The following FNDC1 variants were observed in gnomAD, a reference collection of about 807,000 sequenced individuals.
The protein encoded by FNDC1 is fibronectin type III domain-containing protein 1.
Under a neutral mutation model 168.0 loss-of-function variants are expected in FNDC1, and 96 were observed. The ratio of observed to expected loss-of-function variants is 0.57; its 90% CI spans 0.48 to 0.68. FNDC1 has a LOEUF of 0.68. Among genes scored for constraint, FNDC1 ranks in the 30% least tolerant of loss-of-function variants. The pLI is 0.00. For synonymous variants in FNDC1, 1,099 were observed against 1,025.9 expected, an observed-to-expected ratio of 1.07 and a Z score of -1.36; for missense variants, 2,587 against 2,482.1, an observed-to-expected ratio of 1.04 and a Z score of -0.90.
At chr6:159,182,078 C>T (rs754287469) in intron 1 of FNDC1, among the ~76,000 whole-genome samples, 7 of 152,198 alleles carry the variant, frequency 4.6e-5, no homozygotes, top group Non-Finnish European at 8.8e-5. Flanking sequence ...GATATTCAAA[C>T]AAACCACACC....
In FNDC1 at chr6:159,238,677, T is replaced by C; in HGVS notation, c.4180+12T>C. The C allele has an allele frequency of 6.5e-7, 1 of 1,546,924 alleles. No homozygotes were observed. Among genetic ancestry groups the C allele is most frequent in the Non-Finnish European group, 8.8e-7 (1 of 1,133,624 alleles). On this transcript the variant is annotated intron_variant, in intron 13 of 22. Coordinates refer to ENST00000297267, the MANE Select transcript of FNDC1 (RefSeq NM_032532.3). ...TCGAACCATTGTAGGTAAGGGAGAA[T>C]GGTTTTTAAAGAATAAAAGCCTACT... is the stretch of plus-strand genomic sequence containing the variant.
intron 20 of FNDC1, among the ~76,000 whole-genome samples, chr6:159,265,234 A>G (rs973435595): frequency 1.2e-4 from 18 of 152,222 alleles, no homozygotes; most frequent in African/African-American, 4.1e-4. Context: ...AAAAAACACT[A>G]TGGAGTAGCC....
At chr6:159,246,104 CA>C (rs1783533012) in intron 14 of FNDC1, among the ~76,000 whole-genome samples, 1 of 152,090 alleles carries the variant, frequency 6.6e-6, no homozygotes, top group South Asian at 2.1e-4. Context: ...CTGGCTTTTC[CA>C]AAAATCACAT....
intron 4 of FNDC1, among the ~76,000 whole-genome samples, chr6:159,201,866 A>G (rs1782387267): frequency 6.6e-6 from 1 of 152,174 alleles, no homozygotes; most frequent in South Asian, 2.1e-4. Context: ...TTCCTGATAC[A>G]GTTTTTTGAA....
chr6:159,170,461 C>T (rs1781630058), intron 1 of FNDC1, among the ~76,000 whole-genome samples: 1 of 152,212 alleles, frequency 6.6e-6, no homozygotes, highest in African/African-American at 2.4e-5. Flanking sequence ...TTCTTGCAAG[C>T]TTCCTGCAGA....
chr6:159,222,441 C>T (rs990088134), intron 6 of FNDC1, among the ~76,000 whole-genome samples: 5 of 152,178 alleles, frequency 3.3e-5, no homozygotes, highest in African/African-American at 1.2e-4. Context: ...ATATTTTCAC[C>T]TTCCCCTGCT....
At chr6:159,199,428 T>C (rs1254398064) in intron 2 of FNDC1, among the ~76,000 whole-genome samples, 7 of 152,240 alleles carry the variant, frequency 4.6e-5, no homozygotes, top group African/African-American at 1.4e-4. Context: ...TAGCTTTTTG[T>C]TGGAATGGTC....
intron 1 of FNDC1, among the ~76,000 whole-genome samples, chr6:159,178,694 G>C (rs570339975): frequency 1.3e-5 from 2 of 151,312 alleles, no homozygotes; most frequent in East Asian, 3.9e-4. Flanking sequence ...ATTTTTAAAA[G>C]TGTTTTGCCC....
In FNDC1 at chr6:159,266,225, A is replaced by G; in HGVS notation, c.5426A>G (p.Tyr1809Cys). ...VLCNSLRYKI[Y>C]LSDNLKDTFY... ...TGTAATTCACTGAGGTATAAAATCT[A>G]CCTCAGTGACAACCTGAAAGGTAAG... Residue 1809 changes from tyrosine (Y) to cysteine (C), a missense_variant, in exon 21 of 23, where the codon TAC (tyrosine) becomes TGC (cysteine). By Grantham distance (194) the Tyr-to-Cys change is radical (BLOSUM62 -2). Transcript: ENST00000297267. 2 of 1,613,838 alleles carry G rather than the reference A, an allele frequency of 1.2e-6. No homozygotes were observed. The highest frequency in any genetic ancestry group is 1.7e-6 in the Non-Finnish European group (2 of 1,179,826).
chr6:159,171,599 G>A (rs1010431243), intron 1 of FNDC1, among the ~76,000 whole-genome samples: 2 of 152,262 alleles, frequency 1.3e-5, no homozygotes, highest in South Asian at 2.1e-4. Flanking sequence ...CTTAAAGCAG[G>A]ACACACTGAA....
intron 17 of FNDC1, 119 bp from the exon 18 acceptor site, chr6:159,256,404 G>C: frequency 1.4e-6 from 1 of 731,774 alleles, no homozygotes; most frequent in Non-Finnish European, 2.4e-6. Flanking sequence ...CCTCCTTCCT[G>C]TAGTTCCCAC....
intron 4 of FNDC1, among the ~76,000 whole-genome samples, chr6:159,213,268 T>C (rs1368417369): frequency 8.5e-5 from 13 of 152,142 alleles, no homozygotes; most frequent in Admixed American, 8.5e-4. Flanking sequence ...GAACCTGGCA[T>C]GGTGCAGGAC....
intron 5 of FNDC1, among the ~76,000 whole-genome samples, chr6:159,216,947 G>A (rs1372553690): frequency 6.6e-6 from 1 of 152,164 alleles, no homozygotes; most frequent in Non-Finnish European, 1.5e-5. Flanking sequence ...TATCTGGAGG[G>A]GCCTCTTCCC....
In FNDC1 at chr6:159,266,729, G is replaced by A. The variant is rs1439355802; in HGVS notation, c.5446+484G>A. Reference sequence around the variant, plus strand: ...TAATACAATAATAATGAGTACGAGCGTGAGCTGGAATAATTGAGGAAAAGT... The same window carrying A: ...TAATACAATAATAATGAGTACGAGCATGAGCTGGAATAATTGAGGAAAAGT... On this transcript the variant is annotated intron_variant, in intron 21 of 22. Coordinates refer to ENST00000297267, the MANE Select transcript of FNDC1 (RefSeq NM_032532.3). Among the ~76,000 whole-genome samples, 7 of 146,680 alleles carry A rather than the reference G, an allele frequency of 4.8e-5. No individual in the cohort carries two copies. In the South Asian group the frequency reaches 6.5e-4, roughly 14 times the overall value.
At chr6:159,188,775 T>A (rs1050221256) in intron 1 of FNDC1, among the ~76,000 whole-genome samples, 8 of 145,262 alleles carry the variant, frequency 5.5e-5, no homozygotes, top group African/African-American at 2.1e-4. Context: ...TAAGATGGAG[T>A]CTCACTCTGT....
rs568662089 is a variant in FNDC1 at position 159,169,681 on chromosome 6, G to T, written c.85G>T (p.Val29Phe). 167 of 1,161,340 alleles carry T rather than the reference G, an allele frequency of 1.4e-4. 2 individuals carry two copies. The African/African-American group carries it at 2.5e-3, about 17-fold the overall frequency. 71.9% of individuals were successfully genotyped at this position (1,161,340 alleles called of 1,614,324 possible). The part of the protein sequence containing the change: ...ALLLLAALLP[V>F]ASSAAASVDH... ...GCTGCTCTTGGCCGCGCTGCTCCCC[G>T]TCGCCTCCTCGGCGGCGGCCTCAGG... is the stretch of plus-strand genomic sequence containing the variant. The change falls in exon 1 of 23, where the codon GTC (valine) becomes TTC (phenylalanine). Residue 29 changes from valine (V) to phenylalanine (F), a missense_variant. Coordinates refer to ENST00000297267, the MANE Select transcript of FNDC1 (RefSeq NM_032532.3). This position sits in a 1 kb window ranked among gnomAD's most constrained non-coding sequence, Gnocchi z 6.8.
In FNDC1 at chr6:159,232,279, A is replaced by G. The variant is rs915799595; in HGVS notation, c.1767A>G (p.Pro589=). 3 of 1,610,912 alleles carry G rather than the reference A, an allele frequency of 1.9e-6. No individual in the cohort carries two copies. The highest frequency in any genetic ancestry group is 1.7e-5 in the Admixed American group (1 of 59,562). Reference sequence around the variant, plus strand: ...GGACTGCAGTGAGGGCCCGGATGCCAGCGCTGCCCCGAAGGGAAGGCGTAG... The same window carrying G: ...GGACTGCAGTGAGGGCCCGGATGCCGGCGCTGCCCCGAAGGGAAGGCGTAG... ...PGRTAVRARM[P]ALPRREGVDK... Residue 589 remains proline (P), a synonymous_variant, in exon 11 of 23, where the codon CCA becomes CCG. Transcript: ENST00000297267. This position sits in a 1 kb window ranked among gnomAD's most constrained non-coding sequence, Gnocchi z 4.9.
In FNDC1 at chr6:159,232,880, G is replaced by A. The variant is rs772887827; in HGVS notation, c.2368G>A (p.Gly790Ser). The change falls in exon 11 of 23, where the codon GGT (glycine) becomes AGT (serine). Residue 790 changes from glycine (G) to serine (S), a missense_variant. Coordinates refer to ENST00000297267, the MANE Select transcript of FNDC1 (RefSeq NM_032532.3). The surrounding 1 kb of genome is among the most constrained non-coding windows in gnomAD (Gnocchi z 4.9). ...GGAGGCTTCTGATGGTGAAAGCCACGGTGACGGCGATAGGGAAGACGGCGG... is the reference window on the plus strand; with the variant it reads ...GGAGGCTTCTGATGGTGAAAGCCACAGTGACGGCGATAGGGAAGACGGCGG... ...GAEASDGESH[G>S]DGDREDGGRQ... 1.3e-5 allele frequency: 21 copies of A among 1,613,386 alleles called. No individual in the cohort carries two copies. The Admixed American group carries it at 2.8e-4, about 22-fold the overall frequency.
At chr6:159,176,745 G>A (rs748866981) in intron 1 of FNDC1, among the ~76,000 whole-genome samples, 1 of 152,136 alleles carries the variant, frequency 6.6e-6, no homozygotes, top group Non-Finnish European at 1.5e-5. Context: ...GTGGCATGTC[G>A]CTGGGTCAGT....
Sources: allele counts gnomAD v4.1 joint callset (sites outside exome capture counted in the v4.1 genomes callset), GRCh38; gene constraint gnomAD v4.1.1; non-coding constraint Gnocchi (gnomAD v3.1); transcripts MANE v1.5; gene names NCBI Gene and HGNC (gene_info 2026-07-23, HGNC 2026-07-21).